PIK3C2G: variants seen among roughly 807,000 people sequenced by gnomAD.
PIK3C2G encodes the protein phosphatidylinositol-4-phosphate 3-kinase catalytic subunit type 2 gamma.
A neutral mutation model predicts 181.1 loss-of-function variants in PIK3C2G; 168 were observed. The observed-to-expected ratio is 0.93, with a 90% CI of 0.82 to 1.05. The LOEUF (loss-of-function observed/expected upper bound fraction) is 1.05, where lower values mean the gene tolerates loss of function less well. Ranked by LOEUF, PIK3C2G falls within the 50% of genes least tolerant of loss-of-function variation. PIK3C2G has a pLI of 0.00. For missense variants in PIK3C2G, 1,869 were observed against 1,732.8 expected, an observed-to-expected ratio of 1.08 and a Z score of -1.40; for synonymous variants, 573 against 592.2, an observed-to-expected ratio of 0.97 and a Z score of 0.47.
rs1274730271 is a variant in PIK3C2G at position 18,488,435 on chromosome 12, T to C, written c.2505-14T>C. The C allele has an allele frequency of 6.8e-7, 1 of 1,478,960 alleles. No homozygotes were observed. Among genetic ancestry groups the C allele is most frequent in the Admixed American group, 2.5e-5 (1 of 40,000 alleles). 91.6% of individuals were successfully genotyped at this position (1,478,960 alleles called of 1,614,324 possible). Reference sequence around the variant, plus strand: ...CTTTACATACAAGAATTTTTTTCTCTCTCTTTCCTTCAGGCTGCTAAAAAA... The same window carrying C: ...CTTTACATACAAGAATTTTTTTCTCCCTCTTTCCTTCAGGCTGCTAAAAAA... On this transcript the variant is annotated splice_polypyrimidine_tract_variant and intron_variant, in intron 18 of 32. Transcript: ENST00000538779.
chr12:18,483,717 T>C (rs928763628), intron 18 of PIK3C2G, among the ~76,000 whole-genome samples: 5 of 151,968 alleles, frequency 3.3e-5, no homozygotes, highest in Non-Finnish European at 5.9e-5. Flanking sequence ...CTTTCCATTC[T>C]AAAGGCAACT....
At chr12:18,536,633 C>T (rs1057130099) in intron 24 of PIK3C2G, among the ~76,000 whole-genome samples, 1 of 152,030 alleles carries the variant, frequency 6.6e-6, no homozygotes, top group African/African-American at 2.4e-5. Context: ...TTAATCCTCA[C>T]AGCAATTCTA....
chr12:18,273,676 T>C (rs1273953782), intron 1 of PIK3C2G, among the ~76,000 whole-genome samples: 3 of 151,546 alleles, frequency 2.0e-5, no homozygotes, highest in Non-Finnish European at 4.4e-5. Flanking sequence ...AAGACTTACA[T>C]GTTAGACCTA....
chr12:18,565,158 A>G (rs1326812640), intron 28 of PIK3C2G, among the ~76,000 whole-genome samples: 1 of 152,186 alleles, frequency 6.6e-6, no homozygotes, highest in Non-Finnish European at 1.5e-5. Context: ...TAAATGAAAG[A>G]TGAAGATTCC....
At chr12:18,720,438 T>G in the PIK3C2G span, among the ~76,000 whole-genome samples, 6 of 151,312 alleles carry the variant, frequency 4.0e-5, no homozygotes, top group Non-Finnish European at 7.4e-5. Context: ...ATCTCTGAAC[T>G]GTTTTACTCA....
At chr12:18,299,978 T>C (rs1950107795) in intron 5 of PIK3C2G, among the ~76,000 whole-genome samples, 1 of 151,970 alleles carries the variant, frequency 6.6e-6, no homozygotes, top group South Asian at 2.1e-4. Flanking sequence ...ATCAGGACAT[T>C]AATCTGTAGT....
chr12:18,592,663 G>A (rs1195896986), intron 29 of PIK3C2G, among the ~76,000 whole-genome samples: 2 of 151,798 alleles, frequency 1.3e-5, no homozygotes, highest in Admixed American at 6.6e-5. Context: ...ATTTGCAAGG[G>A]GCATTAATGA....
At chr12:18,458,732 T>G (rs80129445) in intron 18 of PIK3C2G, among the ~76,000 whole-genome samples, 1 of 151,676 alleles carries the variant, frequency 6.6e-6, no homozygotes, top group African/African-American at 2.4e-5. Context: ...AGATTCAAAG[T>G]GCAAGCAGAA....
the PIK3C2G span, among the ~76,000 whole-genome samples, chr12:18,661,295 G>A: frequency 1.3e-5 from 2 of 151,818 alleles, no homozygotes; most frequent in African/African-American, 4.8e-5. Flanking sequence ...AAACATCCAA[G>A]AAGTTTAACG....
chr12:18,709,254 A>T, the PIK3C2G span, among the ~76,000 whole-genome samples: 1 of 151,918 alleles, frequency 6.6e-6, no homozygotes, highest in Non-Finnish European at 1.5e-5. Context: ...TTTTTTCAGT[A>T]CCATTTATTG....
intron 24 of PIK3C2G, among the ~76,000 whole-genome samples, chr12:18,516,264 T>TG (rs1398860856): frequency 1.3e-5 from 2 of 151,546 alleles, no homozygotes; most frequent in East Asian, 3.9e-4. Context: ...ACTGATGGTT[T>TG]TTTTTTTTTT....
intron 31 of PIK3C2G, among the ~76,000 whole-genome samples, chr12:18,629,686 A>G (rs1949263982): frequency 6.6e-6 from 1 of 152,138 alleles, no homozygotes; most frequent in Non-Finnish European, 1.5e-5. Context: ...CATTGAGACA[A>G]GCAGACTTTG....
chr12:18,648,347 C>T lies in PIK3C2G; in HGVS notation c.*319C>T. The T allele has an allele frequency of 4.4e-6, 1 of 227,260 alleles. No individual in the cohort carries two copies. Among genetic ancestry groups the T allele is most frequent in the Non-Finnish European group, 8.7e-6 (1 of 114,594 alleles). 14.1% of individuals were successfully genotyped at this position (227,260 alleles called of 1,614,324 possible). On this transcript the variant is annotated 3_prime_UTR_variant, in exon 33 of 33. Transcript: ENST00000538779. ...TACATTTGTTTTAATTGTGTGCCTA[C>T]AGTTAAAAGCAGTATTTTTAATGTA...
intron 18 of PIK3C2G, among the ~76,000 whole-genome samples, chr12:18,453,680 T>C (rs954488412): frequency 6.6e-6 from 1 of 152,128 alleles, no homozygotes; most frequent in African/African-American, 2.4e-5. Context: ...TTCTGAATAG[T>C]AATTTTTAAA....
chr12:18,409,130 A>G (rs1944711492), intron 16 of PIK3C2G, among the ~76,000 whole-genome samples: 1 of 152,192 alleles, frequency 6.6e-6, no homozygotes, highest in Admixed American at 6.5e-5. Context: ...CACAATAGTA[A>G]AGACTTGGAA....
intron 13 of PIK3C2G, among the ~76,000 whole-genome samples, chr12:18,377,259 A>G (rs924981011): frequency 6.6e-6 from 1 of 152,200 alleles, no homozygotes; most frequent in African/African-American, 2.4e-5. Context: ...CAAAGAGGGT[A>G]AACCAGCCCA....
intron 32 of PIK3C2G, among the ~76,000 whole-genome samples, chr12:18,640,813 A>C (rs373314175): frequency 6.6e-6 from 1 of 152,174 alleles, no homozygotes; most frequent in East Asian, 1.9e-4. Flanking sequence ...CTTGTTTTGC[A>C]TACTAACTTT....
chr12:18,381,668 G>T (rs867533931), intron 13 of PIK3C2G, 98 bp from the exon 14 acceptor site: 1 of 713,386 alleles, frequency 1.4e-6, no homozygotes, highest in Admixed American at 2.1e-5. Context: ...CTGTAAGAGC[G>T]GATTATGTTT....
chr12:18,689,779 C>T, the PIK3C2G span, among the ~76,000 whole-genome samples: 6 of 152,194 alleles, frequency 3.9e-5, no homozygotes, highest in South Asian at 6.2e-4. Flanking sequence ...TTGCAGGTGA[C>T]GAAGAGTAAA....
Sources: gnomAD v4.1 joint callset for allele counts (sites outside exome capture counted in the v4.1 genomes callset) on GRCh38, gnomAD v4.1.1 for gene constraint, MANE v1.5 for transcripts, NCBI Gene and HGNC (gene_info 2026-07-23, HGNC 2026-07-21) for gene names.